Variants in CEP164 observed in about 807,000 individuals in gnomAD.
CEP164 encodes the protein centrosomal protein 164.
Under a neutral mutation model 182.7 loss-of-function variants are expected in CEP164, and 162 were observed. That is an observed-to-expected ratio of 0.89 (90% CI 0.78 to 1.01). The LOEUF (loss-of-function observed/expected upper bound fraction) is 1.01. Ranked by LOEUF, CEP164 falls within the 50% of genes least tolerant of loss-of-function variation. CEP164 has a pLI of 0.00. For missense variants in CEP164, 1,735 were observed against 1,790.4 expected, an observed-to-expected ratio of 0.97 and a Z score of 0.56; for synonymous variants, 661 against 690.0, an observed-to-expected ratio of 0.96 and a Z score of 0.66.
At chr11:117,327,755 C>T (rs2035549342), upstream of CEP164, 1 of 152,244 alleles carries the variant, frequency 6.6e-6, no homozygotes, top group Non-Finnish European at 1.5e-5. Context: ...GAAGGGACTT[C>T]GAGCCAATCC....
At chr11:117,348,258 C>CA (rs2039198244) in intron 4 of CEP164, among the ~76,000 whole-genome samples, 1 of 151,892 alleles carries the variant, frequency 6.6e-6, no homozygotes, top group African/African-American at 2.4e-5. Flanking sequence ...AGGCATGAGC[C>CA]ACAGCGCCCA....
chr11:117,362,111 C>G lies in CEP164; in HGVS notation c.552+118C>G, dbSNP rs564463892. 3.9e-6 allele frequency: 4 copies of G among 1,024,398 alleles called. No individual in the cohort carries two copies. The Admixed American group carries it at 1.1e-4, about 27-fold the overall frequency. The allele number at this position is 1,024,398 out of a possible 1,614,324, so 63.5% of individuals were successfully genotyped here. ...CAGAATCGGTGGAGTCCTCAGAGTTCGTAATCCAGTTGGGAAAATGTAATT... is the reference window on the plus strand; with the variant it reads ...CAGAATCGGTGGAGTCCTCAGAGTTGGTAATCCAGTTGGGAAAATGTAATT... On this transcript the variant is annotated intron_variant, in intron 6 of 32. Transcript: ENST00000278935.
Position 117,409,925 on chromosome 11 carries a change from G to A in CEP164, c.4056G>A (p.Val1352=). 1.2e-6 allele frequency: 2 copies of A among 1,614,166 alleles called. No homozygotes were observed. The highest frequency in any genetic ancestry group is 1.7e-6 in the Non-Finnish European group (2 of 1,180,028). ...TCCCCTCCTCTGTGGCTCAAACGGT[G>A]GACGACTTCCTGTTGGAGAAGTGGC... ...PRLPSSVAQT[V]DDFLLEKWRK... The change falls in exon 30 of 33, where the codon GTG becomes GTA. Residue 1352 remains valine, a synonymous_variant. Transcript: ENST00000278935. The surrounding 1 kb of genome is among the most constrained non-coding windows in gnomAD (Gnocchi z 4.4).
Position 117,347,859 on chromosome 11 carries a change from G to A in CEP164, c.194+3582G>A, listed in dbSNP as rs373977661. On this transcript the variant is annotated intron_variant, in intron 4 of 32. Coordinates refer to ENST00000278935, the MANE Select transcript of CEP164 (RefSeq NM_014956.5). ...GTCTGTTTTCATTTGCAGTATTTAGGTTTTTTTAAATGTCTCTAGGACATA... is the reference window on the plus strand; with the variant it reads ...GTCTGTTTTCATTTGCAGTATTTAGATTTTTTTAAATGTCTCTAGGACATA... Among the ~76,000 whole-genome samples the A allele has an allele frequency of 9.2e-5, 14 of 152,108 alleles. No homozygotes were observed. In the East Asian group the frequency reaches 1.9e-3, roughly 21 times the overall value.
intron 10 of CEP164, 57 bp from the exon 11 acceptor site, chr11:117,375,651 G>T: frequency 6.8e-7 from 1 of 1,466,348 alleles, no homozygotes; most frequent in Non-Finnish European, 9.6e-7. Flanking sequence ...GAAGAGGCCT[G>T]GTGGGTGTTG....
At chr11:117,388,992 G>A (rs1484411918) in intron 15 of CEP164, among the ~76,000 whole-genome samples, 3 of 151,468 alleles carry the variant, frequency 2.0e-5, no homozygotes, top group South Asian at 2.1e-4. Context: ...GGATGGTCTC[G>A]ATCTCCTGAC....
chr11:117,378,923 TC>T (rs2043025534), intron 11 of CEP164, among the ~76,000 whole-genome samples: 1 of 152,200 alleles, frequency 6.6e-6, no homozygotes, highest in East Asian at 1.9e-4. Context: ...CCTTTCTGAC[TC>T]AGGGCTCAGT....
At chr11:117,331,403 T>C (rs548401106) in intron 1 of CEP164, among the ~76,000 whole-genome samples, 2 of 137,710 alleles carry the variant, frequency 1.5e-5, no homozygotes, top group East Asian at 4.3e-4. Context: ...GAAAATAGAA[T>C]CTGTAATACT....
intron 5 of CEP164, among the ~76,000 whole-genome samples, chr11:117,360,033 A>G (rs1250995857): frequency 6.6e-6 from 1 of 152,208 alleles, no homozygotes; most frequent in Non-Finnish European, 1.5e-5. Flanking sequence ...GGTCAGCCCC[A>G]CTACTGCCCT....
Position 117,344,227 on chromosome 11 carries a change from G to A in CEP164, c.144G>A (p.Trp48Ter). The A allele has an allele frequency of 1.2e-6, 2 of 1,613,566 alleles. No individual in the cohort carries two copies. Among genetic ancestry groups the A allele is most frequent in the Admixed American group, 1.7e-5 (1 of 59,966 alleles). Residue 48 changes from tryptophan to a stop codon, truncating the protein, a stop_gained, in exon 4 of 33, where the codon TGG becomes TGA. Coordinates refer to ENST00000278935, the MANE Select transcript of CEP164 (RefSeq NM_014956.5). LOFTEE classifies it high-confidence loss of function. ...IDPIKEPELM[W>*]LAREGIVAPL... ...CCATCAAGGAACCAGAACTGATGTG[G>A]CTGGCGCGAGAGGGCATCGTGGCCC...
intron 27 of CEP164, among the ~76,000 whole-genome samples, chr11:117,400,202 A>G (rs1309079802): frequency 6.6e-6 from 1 of 152,224 alleles, no homozygotes; most frequent in Non-Finnish European, 1.5e-5. Context: ...TTTTCTGCAT[A>G]TGGCTAGTCA....
chr11:117,354,921 T>C, intron 5 of CEP164: 1 of 1,269,702 alleles, frequency 7.9e-7, no homozygotes, highest in South Asian at 1.3e-5. Context: ...CATGTTTATA[T>C]ACCCATCTAG....
Position 117,412,380 on chromosome 11 carries a change from G to A in CEP164, c.*212G>A, listed in dbSNP as rs185851389. 40 of 440,848 alleles carry A rather than the reference G, an allele frequency of 9.1e-5. No individual in the cohort carries two copies. The highest frequency in any genetic ancestry group is 6.3e-4 in the African/African-American group (32 of 50,410). The allele number at this position is 440,848 out of a possible 1,614,324, so 27.3% of individuals were successfully genotyped here. On this transcript the variant is annotated 3_prime_UTR_variant, in exon 33 of 33. Transcript: ENST00000278935. ...CAGGCTAAAATGTGTGGACTCGTAC[G>A]AGCTCTTGTCATTGACATGGCAAGC...
At chr11:117,361,139 T>C (rs575874015) in intron 5 of CEP164, among the ~76,000 whole-genome samples, 50 of 151,364 alleles carry the variant, frequency 3.3e-4, no homozygotes, top group Middle Eastern at 3.4e-3. Context: ...TTCACCATGT[T>C]GGCCAGGCTG....
At chr11:117,378,138 G>C (rs1346492761) in intron 11 of CEP164, among the ~76,000 whole-genome samples, 3 of 151,984 alleles carry the variant, frequency 2.0e-5, no homozygotes, top group Non-Finnish European at 4.4e-5. Context: ...CAAAGTGCTG[G>C]GATTACAGGC....
chr11:117,334,310 T>C (rs1464125680), intron 1 of CEP164, among the ~76,000 whole-genome samples: 1 of 152,266 alleles, frequency 6.6e-6, no homozygotes, highest in African/African-American at 2.4e-5. Context: ...ACGTTCCTTT[T>C]TTCTTTAACT....
In CEP164 at chr11:117,409,933, T is replaced by C. The variant is rs1366122774; in HGVS notation, c.4064T>C (p.Phe1355Ser). ...PSSVAQTVDD[F>S]LLEKWRKYFP... The stretch of plus-strand genomic sequence containing the variant: ...TCTGTGGCTCAAACGGTGGACGACT[T>C]CCTGTTGGAGAAGTGGCGCAAGTAT... Residue 1355 changes from phenylalanine to serine, a missense_variant, in exon 30 of 33, where the codon TTC becomes TCC. Coordinates refer to ENST00000278935, the MANE Select transcript of CEP164 (RefSeq NM_014956.5). The surrounding 1 kb of genome is among the most constrained non-coding windows in gnomAD (Gnocchi z 4.4). 6.2e-7 allele frequency: 1 copy of C among 1,614,194 alleles called. No homozygotes were observed. Among genetic ancestry groups the C allele is most frequent in the Non-Finnish European group, 8.5e-7 (1 of 1,180,028 alleles).
chr11:117,392,942 C>G (rs1418023189), intron 19 of CEP164, 62 bp from the exon 20 acceptor site: 2 of 1,603,744 alleles, frequency 1.2e-6, no homozygotes, highest in African/African-American at 2.7e-5. Flanking sequence ...TCAGGTGCAG[C>G]AGGCCCTGAG....
chr11:117,372,242 A>G (rs894734614), intron 9 of CEP164, among the ~76,000 whole-genome samples: 1 of 148,330 alleles, frequency 6.7e-6, no homozygotes, highest in Non-Finnish European at 1.5e-5. Context: ...TGAGTAGCTG[A>G]GACCACAAGC....
Sources: gnomAD v4.1 joint callset for allele counts (sites outside exome capture counted in the v4.1 genomes callset) on GRCh38, gnomAD v4.1.1 for gene constraint, Gnocchi (gnomAD v3.1) non-coding constraint, MANE v1.5 for transcripts, NCBI Gene and HGNC (gene_info 2026-07-23, HGNC 2026-07-21) for gene names.